GATAD2B: variants seen among roughly 807,000 people sequenced by gnomAD.
The protein encoded by GATAD2B is transcriptional repressor p66-beta.
GATAD2B carries 8 observed loss-of-function variants against 64.3 expected under a neutral mutation model. That is an observed-to-expected ratio of 0.12 (90% CI 0.07 to 0.22). The LOEUF is 0.22. GATAD2B is among the 10% of genes least tolerant of loss of function. The probability of loss-of-function intolerance (pLI) is 1.00; values close to 1 mark genes in which losing one functional copy is unlikely to be tolerated. For missense variants in GATAD2B, 453 were observed against 752.0 expected (o/e 0.60, Z 4.65); for synonymous variants, 281 against 271.3 (o/e 1.04, Z -0.35).
Position 153,813,273 on chromosome 1 carries a change from C to T in GATAD2B, c.1396G>A (p.Val466Met), listed in dbSNP as rs1376849984. 6.2e-7 allele frequency: 1 copy of T among 1,614,114 alleles called. No homozygotes were observed. The change falls in exon 8 of 11, where the codon GTG (valine) becomes ATG (methionine). Residue 466 changes from valine to methionine, a missense_variant. Physicochemically the swap from Val to Met is conservative, Grantham distance 21. This residue lies in a region of GATAD2B where 160 missense variants were observed against 334.7 expected (regional missense o/e 0.48). Transcript: ENST00000368655. ...EHTNRLKNAF[V>M]KALQQEQEIE... ...ACCTGTTCCTGCTGTAGGGCTTTCACAAATGCATTTTTCAGCCGGTTGGTG... is the reference window on the plus strand; with the variant it reads ...ACCTGTTCCTGCTGTAGGGCTTTCATAAATGCATTTTTCAGCCGGTTGGTG...
intron 1 of GATAD2B, among the ~76,000 whole-genome samples, chr1:153,840,674 A>G (rs1026426312): frequency 6.6e-6 from 1 of 152,218 alleles, no homozygotes; most frequent in African/African-American, 2.4e-5. Context: ...CATAAGTTCT[A>G]GTTTATCTTT....
In GATAD2B at chr1:153,816,059, A is replaced by AACACACACACAC. The variant is rs71093286; in HGVS notation, c.1216+202_1216+213dup. On this transcript the variant is annotated intron_variant, in intron 7 of 10. Transcript: ENST00000368655. This position sits in a 1 kb window ranked among gnomAD's most constrained non-coding sequence, Gnocchi z 4.9. The stretch of plus-strand genomic sequence containing the variant: ...CAGAGCGAGACTGCATCTCAAACAA[A>AACACACACACAC]ACACACACACACACACACACACACA... Among the ~76,000 whole-genome samples, 6,012 of 141,756 alleles carry AACACACACACAC rather than the reference A, an allele frequency of 0.042. 161 individuals carry two copies. Among genetic ancestry groups the AACACACACACAC allele is most frequent in the Admixed American group, 0.082 (1,139 of 13,826 alleles). The allele number at this position is 141,756 out of a possible 152,430, so 93.0% of individuals were successfully genotyped here.
intron 2 of GATAD2B, among the ~76,000 whole-genome samples, chr1:153,826,718 T>C (rs1674890586): frequency 6.6e-6 from 1 of 151,962 alleles, no homozygotes; most frequent in South Asian, 2.1e-4. Flanking sequence ...TGTGGGAAGA[T>C]CACTTGAGGC....
At chr1:153,886,790 A>C (rs1677199842) in intron 1 of GATAD2B, among the ~76,000 whole-genome samples, 1 of 151,092 alleles carries the variant, frequency 6.6e-6, no homozygotes, top group African/African-American at 2.4e-5. Flanking sequence ...CAATCTTCTG[A>C]CCTCATGATC....
intron 1 of GATAD2B, among the ~76,000 whole-genome samples, chr1:153,840,995 T>C (rs937072423): frequency 2.6e-5 from 4 of 151,670 alleles, no homozygotes; most frequent in African/African-American, 9.7e-5. Flanking sequence ...CGTGGTGGCA[T>C]GTGCCTGTAG....
intron 1 of GATAD2B, among the ~76,000 whole-genome samples, chr1:153,892,163 C>CAAAAAAA (rs900308080): frequency 6.6e-4 from 33 of 50,210 alleles, no homozygotes; most frequent in East Asian, 1.7e-3. Flanking sequence ...GACTCCGTCT[C>CAAAAAAA]AAAAAAAAAA....
At chr1:153,913,159 C>G (rs1406715738) in intron 1 of GATAD2B, among the ~76,000 whole-genome samples, 1 of 152,028 alleles carries the variant, frequency 6.6e-6, no homozygotes, top group Non-Finnish European at 1.5e-5. Flanking sequence ...AACTGCTGAC[C>G]TCAGGCGATC....
At chr1:153,881,782 C>CGTGTGTGTGT (rs60620987) in intron 1 of GATAD2B, among the ~76,000 whole-genome samples, 8 of 149,848 alleles carry the variant, frequency 5.3e-5, no homozygotes. Context: ...AGGTTTTTTT[C>CGTGTGTGTGT]GTGTGTGTGT....
chr1:153,899,771 T>C (rs373777247), intron 1 of GATAD2B, among the ~76,000 whole-genome samples: 6 of 152,182 alleles, frequency 3.9e-5, no homozygotes, highest in African/African-American at 9.7e-5. Flanking sequence ...TACATTTCAA[T>C]TGAGTTGTTT....
intron 2 of GATAD2B, 139 bp from the exon 3 acceptor site, chr1:153,819,874 G>A (rs940749811): frequency 1.4e-5 from 8 of 562,072 alleles, no homozygotes; most frequent in Non-Finnish European, 2.4e-5. Context: ...CGAGGCGGGT[G>A]GAACACCTGG....
chr1:153,811,252 G>A (rs1489040911), intron 10 of GATAD2B, among the ~76,000 whole-genome samples: 2 of 152,206 alleles, frequency 1.3e-5, no homozygotes, highest in Non-Finnish European at 2.9e-5. Flanking sequence ...AGGAAAAGGG[G>A]ACTTCCTGAA....
intron 1 of GATAD2B, among the ~76,000 whole-genome samples, chr1:153,887,726 C>T (rs1269561076): frequency 6.6e-6 from 1 of 152,052 alleles, no homozygotes; most frequent in Non-Finnish European, 1.5e-5. Flanking sequence ...TATGGGTTTA[C>T]AGGAAGTAAG....
Position 153,922,859 on chromosome 1 carries a change from G to T in GATAD2B, c.-128C>A, listed in dbSNP as rs1571017322. On this transcript the variant is annotated 5_prime_UTR_variant, in exon 1 of 11. Coordinates refer to ENST00000368655, the MANE Select transcript of GATAD2B (RefSeq NM_020699.4). Reference sequence around the variant, plus strand: ...GACGGGACTAGGGACGGGGGTAGGGGAGGGGGGCGGGCCGGACCGGGGCGG... The same window carrying T: ...GACGGGACTAGGGACGGGGGTAGGGTAGGGGGGCGGGCCGGACCGGGGCGG... 6.7e-6 allele frequency: 1 copy of T among 150,236 alleles called. No homozygotes were observed. Among genetic ancestry groups the T allele is most frequent in the African/African-American group, 2.5e-5 (1 of 40,448 alleles). 9.3% of individuals were successfully genotyped at this position (150,236 alleles called of 1,614,324 possible).
chr1:153,870,222 T>G (rs1478469373), intron 1 of GATAD2B, among the ~76,000 whole-genome samples: 1 of 152,016 alleles, frequency 6.6e-6, no homozygotes, highest in Non-Finnish European at 1.5e-5. Flanking sequence ...AGTGCTGGGA[T>G]TGCAAGCATG....
intron 1 of GATAD2B, among the ~76,000 whole-genome samples, chr1:153,888,276 A>G (rs1677245146): frequency 6.6e-6 from 1 of 152,124 alleles, no homozygotes; most frequent in African/African-American, 2.4e-5. Flanking sequence ...TCCTTGGAAA[A>G]AAAACCATGA....
chr1:153,905,008 A>C (rs1677883740), intron 1 of GATAD2B, among the ~76,000 whole-genome samples: 2 of 150,538 alleles, frequency 1.3e-5, no homozygotes, highest in African/African-American at 4.9e-5. Context: ...CCCTGGCCCT[A>C]ATTTTTGTCT....
At chr1:153,906,086 C>T (rs1352361912) in intron 1 of GATAD2B, among the ~76,000 whole-genome samples, 1 of 148,374 alleles carries the variant, frequency 6.7e-6, no homozygotes, top group Admixed American at 6.8e-5. Context: ...AAAAAAGCTC[C>T]CCTCCCCCGC....
At chr1:153,858,279 T>C (rs1676158488) in intron 1 of GATAD2B, among the ~76,000 whole-genome samples, 1 of 152,050 alleles carries the variant, frequency 6.6e-6, no homozygotes, top group South Asian at 2.1e-4. Context: ...AATCCAGAAA[T>C]CAGGCTGGGG....
At chr1:153,821,473 G>A (rs1014358402) in intron 2 of GATAD2B, among the ~76,000 whole-genome samples, 2 of 152,170 alleles carry the variant, frequency 1.3e-5, no homozygotes, top group South Asian at 4.1e-4. Flanking sequence ...ACAGCAAGCT[G>A]AGAAGGTAGA....
Sources: allele counts gnomAD v4.1 joint callset (sites outside exome capture counted in the v4.1 genomes callset), GRCh38; gene constraint gnomAD v4.1.1; regional missense constraint gnomAD v4.1.1; non-coding constraint Gnocchi (gnomAD v3.1); transcripts MANE v1.5; gene names NCBI Gene and HGNC (gene_info 2026-07-23, HGNC 2026-07-21).